BCL2: variants seen among roughly 807,000 people sequenced by gnomAD.
BCL2 encodes apoptosis regulator Bcl-2.
Under a neutral mutation model 14.2 loss-of-function variants are expected in BCL2, and 1 was observed. That is an observed-to-expected ratio of 0.07 (90% CI 0.02 to 0.33). The LOEUF (loss-of-function observed/expected upper bound fraction) is 0.33, where lower values mean the gene tolerates loss of function less well. Among genes scored for constraint, BCL2 ranks in the 10% least tolerant of loss-of-function variants. BCL2 has a pLI of 0.99. For synonymous variants in BCL2, 151 were observed against 137.2 expected, an observed-to-expected ratio of 1.10 and a Z score of -0.70; for missense variants, 247 against 305.9, an observed-to-expected ratio of 0.81 and a Z score of 1.44.
At chr18:63,154,714 C>T (rs1270887462) in intron 2 of BCL2, among the ~76,000 whole-genome samples, 1 of 152,168 alleles carries the variant, frequency 6.6e-6, no homozygotes, top group Non-Finnish European at 1.5e-5. Flanking sequence ...TCTTATTCTG[C>T]CCCCTCAAGG....
At chr18:63,166,901 A>C (rs1246898026) in intron 2 of BCL2, among the ~76,000 whole-genome samples, 1 of 152,082 alleles carries the variant, frequency 6.6e-6, no homozygotes, top group African/African-American at 2.4e-5. Flanking sequence ...TCCATGGAGC[A>C]CTGACCAGGT....
At chr18:63,280,717 CT>C (rs1912286919) in intron 2 of BCL2, among the ~76,000 whole-genome samples, 1 of 152,138 alleles carries the variant, frequency 6.6e-6, no homozygotes, top group Non-Finnish European at 1.5e-5. Context: ...AGCTGGAACC[CT>C]TGTACACTGC....
intron 2 of BCL2, among the ~76,000 whole-genome samples, chr18:63,268,955 A>AT (rs201860063): frequency 0.023 from 3,384 of 148,094 alleles, 79 homozygotes; most frequent in South Asian, 0.071. Flanking sequence ...TTCTTTTTCC[A>AT]TTTTTTTTTT....
intron 2 of BCL2, chr18:63,302,197 C>A: frequency 3.3e-6 from 1 of 306,254 alleles, no homozygotes; most frequent in Non-Finnish European, 4.8e-6. Context: ...GCTAGGCGTG[C>A]TGGCAGGCGC....
intron 2 of BCL2, among the ~76,000 whole-genome samples, chr18:63,224,754 A>G (rs1910499029): frequency 6.6e-6 from 1 of 152,338 alleles, no homozygotes; most frequent in South Asian, 2.1e-4. Flanking sequence ...ATACCCCAGG[A>G]TGATGACTGG....
intron 2 of BCL2, among the ~76,000 whole-genome samples, chr18:63,194,226 G>C (rs368197757): frequency 1.3e-5 from 2 of 152,172 alleles, no homozygotes; most frequent in African/African-American, 4.8e-5. Flanking sequence ...TGAATGAAAT[G>C]AATGAATGGG....
chr18:63,177,239 A>G (rs1915371959), intron 2 of BCL2, among the ~76,000 whole-genome samples: 1 of 152,176 alleles, frequency 6.6e-6, no homozygotes, highest in African/African-American at 2.4e-5. Context: ...AAAAGTCTTT[A>G]GTGGATTGCT....
At chr18:63,257,160 AG>A (rs1229964447) in intron 2 of BCL2, among the ~76,000 whole-genome samples, 1 of 152,226 alleles carries the variant, frequency 6.6e-6, no homozygotes, top group Non-Finnish European at 1.5e-5. Flanking sequence ...TTTAAAAAAA[AG>A]AAATGAAAAG....
At chr18:63,211,924 G>T (rs935336247) in intron 2 of BCL2, among the ~76,000 whole-genome samples, 1 of 152,208 alleles carries the variant, frequency 6.6e-6, no homozygotes, top group Non-Finnish European at 1.5e-5. Context: ...ATCAGGTTTC[G>T]CCAGAAATGC....
intron 2 of BCL2, among the ~76,000 whole-genome samples, chr18:63,266,656 C>CACACAAAAAA (rs768525120): frequency 2.7e-5 from 4 of 150,344 alleles, no homozygotes; most frequent in African/African-American, 9.8e-5. Context: ...CACACACACA[C>CACACAAAAAA]AAAAATATAT....
chr18:63,314,604 T>C (rs993005204), intron 2 of BCL2: 4 of 152,230 alleles, frequency 2.6e-5, no homozygotes, highest in African/African-American at 9.6e-5. Context: ...TGAAGCTGAA[T>C]GTCGTCACAG....
intron 2 of BCL2, among the ~76,000 whole-genome samples, chr18:63,183,742 T>C (rs1042944416): frequency 5.9e-5 from 9 of 152,188 alleles, no homozygotes; most frequent in Non-Finnish European, 1.3e-4. Context: ...AACAGATGTC[T>C]GAGAATTGTA....
intron 2 of BCL2, among the ~76,000 whole-genome samples, chr18:63,226,216 T>G (rs919064236): frequency 6.6e-6 from 1 of 152,178 alleles, no homozygotes; most frequent in East Asian, 1.9e-4. Flanking sequence ...AACATCCAGC[T>G]GCTTCTCTTC....
intron 2 of BCL2, among the ~76,000 whole-genome samples, chr18:63,216,683 A>T (rs1428411456): frequency 1.3e-5 from 2 of 152,204 alleles, no homozygotes; most frequent in Admixed American, 1.3e-4. Flanking sequence ...ACAGAAGTGG[A>T]AGACACTGTG....
chr18:63,259,446 G>A (rs1029103966), intron 2 of BCL2, among the ~76,000 whole-genome samples: 2 of 152,268 alleles, frequency 1.3e-5, no homozygotes, highest in Non-Finnish European at 1.5e-5. Flanking sequence ...CTGAAGCAGT[G>A]CCAGGTGGGT....
intron 2 of BCL2, among the ~76,000 whole-genome samples, chr18:63,266,643 A>G (rs1261740643): frequency 6.7e-6 from 1 of 148,866 alleles, no homozygotes; most frequent in Non-Finnish European, 1.5e-5. Flanking sequence ...TCTCTCACAC[A>G]CACACACACA....
At chr18:63,234,854 G>A (rs1910779821) in intron 2 of BCL2, among the ~76,000 whole-genome samples, 1 of 152,082 alleles carries the variant, frequency 6.6e-6, no homozygotes, top group South Asian at 2.1e-4. Context: ...AAAACAAAAG[G>A]AATAATGAAA....
chr18:63,217,212 C>T (rs1411063293), intron 2 of BCL2, among the ~76,000 whole-genome samples: 1 of 152,208 alleles, frequency 6.6e-6, no homozygotes, highest in Non-Finnish European at 1.5e-5. Context: ...GCCATCTAAA[C>T]ACCACGTCAT....
intron 2 of BCL2, among the ~76,000 whole-genome samples, chr18:63,142,928 C>T (rs1460984319): frequency 6.6e-6 from 1 of 152,226 alleles, no homozygotes; most frequent in East Asian, 1.9e-4. Context: ...GACAGTCTTC[C>T]TGTGCCCAGG....
Sources: gnomAD v4.1 joint callset for allele counts (sites outside exome capture counted in the v4.1 genomes callset) on GRCh38, gnomAD v4.1.1 for gene constraint, MANE v1.5 for transcripts, NCBI Gene and HGNC (gene_info 2026-07-23, HGNC 2026-07-21) for gene names.